The following ORC1 variants were observed in gnomAD, a reference collection of about 807,000 sequenced individuals.
The protein encoded by ORC1 is origin recognition complex, subunit 1 homolog.
ORC1 carries 61 observed loss-of-function variants against 98.9 expected under a neutral mutation model. The observed-to-expected ratio is 0.62, with a 90% CI of 0.50 to 0.76. ORC1 has a LOEUF of 0.76. ORC1 is among the 30% of genes least tolerant of loss of function. The probability of loss-of-function intolerance (pLI) is 0.00; values close to 1 mark genes in which losing one functional copy is unlikely to be tolerated. For missense variants in ORC1, 979 were observed against 1,072.2 expected, an observed-to-expected ratio of 0.91 and a Z score of 1.21; for synonymous variants, 385 against 406.9, an observed-to-expected ratio of 0.95 and a Z score of 0.65.
At chr1:52,383,748 C>T (rs950676721) in intron 12 of ORC1, 82 bp downstream of exon 12, 71 of 1,340,074 alleles carry the variant, frequency 5.3e-5, no homozygotes, top group Middle Eastern at 2.3e-4. Context: ...AGAAGGGAGC[C>T]AGGACTTTCC....
chr1:52,389,265 C>T lies in ORC1; in HGVS notation c.1139G>A (p.Arg380His), dbSNP rs576163345. The change falls in exon 7 of 17, where the codon CGC becomes CAC. Residue 380 changes from arginine to histidine, a missense_variant. By Grantham distance (29) the Arg-to-His change is conservative. Transcript: ENST00000371568. ...CATAGTCAAGACAGAACTCTTTCTG[C>T]GGATACGATGGGGAGTAGAGGTCGC... ...NEATSTPHRI[R>H]RKSSVLTMNR... The T allele has an allele frequency of 3.3e-5, 54 of 1,614,142 alleles. No individual in the cohort carries two copies. In the Admixed American group the frequency reaches 3.7e-4, roughly 11 times the overall value.
At chr1:52,402,659 C>T (rs1025064877) in intron 1 of ORC1, among the ~76,000 whole-genome samples, 5 of 152,180 alleles carry the variant, frequency 3.3e-5, no homozygotes, top group African/African-American at 7.2e-5. Flanking sequence ...AAAGGCTGGG[C>T]GCAGTGGCTC....
chr1:52,398,267 A>AT (rs78607222), intron 3 of ORC1, among the ~76,000 whole-genome samples: 2,678 of 89,746 alleles, frequency 0.03, 81 homozygotes, highest in African/African-American at 0.1. Context: ...TCCCGCCAAA[A>AT]TTTTTTTTTT....
chr1:52,395,473 T>C (rs990852221), intron 5 of ORC1, among the ~76,000 whole-genome samples: 11 of 152,198 alleles, frequency 7.2e-5, no homozygotes, highest in African/African-American at 2.7e-4. Context: ...ATGTTTCACA[T>C]ATTTAAAAAA....
chr1:52,398,021 T>C (rs980766606), intron 3 of ORC1, among the ~76,000 whole-genome samples, 158 bp from the exon 4 acceptor site: 1 of 152,194 alleles, frequency 6.6e-6, no homozygotes, highest in Admixed American at 6.5e-5. Flanking sequence ...TGGAGTGCAG[T>C]GGCCCCATCT....
At chr1:52,404,831 C>A, upstream of ORC1, 2 of 1,614,196 alleles carry the variant, frequency 1.2e-6, no homozygotes, top group Non-Finnish European at 1.7e-6. Context: ...CATTCGAACG[C>A]GAATCTATGA....
chr1:52,408,801 A>G (rs1331618104), upstream of ORC1: 5 of 1,306,590 alleles, frequency 3.8e-6, no homozygotes, highest in African/African-American at 4.4e-5. Context: ...TTTCATCTAC[A>G]TTGTTACTGT....
At chr1:52,388,381 T>C in intron 8 of ORC1, 61 bp downstream of exon 8, 1 of 1,358,484 alleles carries the variant, frequency 7.4e-7, no homozygotes, top group Non-Finnish European at 1.1e-6. Flanking sequence ...ACTTCAGCAT[T>C]TGTAACTTTT....
intron 13 of ORC1, among the ~76,000 whole-genome samples, chr1:52,383,180 T>C (rs1315821596): frequency 6.6e-6 from 1 of 152,106 alleles, no homozygotes; most frequent in Non-Finnish European, 1.5e-5. Context: ...GCAATTCTCC[T>C]GCCTCAGCTT....
chr1:52,398,605 G>A (rs1051480234), intron 3 of ORC1, among the ~76,000 whole-genome samples: 4 of 148,090 alleles, frequency 2.7e-5, no homozygotes, highest in Admixed American at 1.4e-4. Context: ...TTTTTGAGAC[G>A]GAGTCTCACT....
intron 5 of ORC1, among the ~76,000 whole-genome samples, chr1:52,394,768 C>T (rs1358552605): frequency 1.3e-5 from 2 of 152,152 alleles, no homozygotes; most frequent in African/African-American, 2.4e-5. Flanking sequence ...CCTGCCTCAG[C>T]CTCCCGAGTA....
chr1:52,403,778 GCCCAGACTGCTTAGTCACGA>G (rs530326571), intron 1 of ORC1, among the ~76,000 whole-genome samples: 123 of 152,258 alleles, frequency 8.1e-4, no homozygotes, highest in Non-Finnish European at 1.3e-3. Context: ...CTGGGTAGGA[GCCCAGACTGCTTAGTCACGA>G]AAAGCGACCT....
At position 52,389,272 on chromosome 1, in the gene ORC1, G is replaced by T; in HGVS notation, c.1132C>A (p.Arg378Ser). Residue 378 changes from arginine (R) to serine (S), a missense_variant, in exon 7 of 17, where the codon CGT (arginine) becomes AGT (serine). Transcript: ENST00000371568. ...AAGACAGAACTCTTTCTGCGGATAC[G>T]ATGGGGAGTAGAGGTCGCTTCATTC... ...AQNEATSTPH[R>S]IRRKSSVLTM... is the part of the protein sequence containing the mutation. 1 of 1,614,178 alleles carries T rather than the reference G, an allele frequency of 6.2e-7. No individual in the cohort carries two copies. Among genetic ancestry groups the T allele is most frequent in the Non-Finnish European group, 8.5e-7 (1 of 1,180,022 alleles).
intron 14 of ORC1, among the ~76,000 whole-genome samples, chr1:52,379,227 A>G (rs1647031455): frequency 6.6e-6 from 1 of 150,942 alleles, no homozygotes; most frequent in Non-Finnish European, 1.5e-5. Context: ...GGGGTTGTTT[A>G]GCTAAAGTAG....
chr1:52,390,591 G>A (rs1223255253), intron 6 of ORC1, among the ~76,000 whole-genome samples: 4 of 152,084 alleles, frequency 2.6e-5, no homozygotes, highest in African/African-American at 9.7e-5. Flanking sequence ...AAGGTCTGGA[G>A]TTTGAGATCA....
chr1:52,393,342 T>A lies in ORC1; in HGVS notation c.1082+101A>T, dbSNP rs1409877192. Reference sequence around the variant, plus strand: ...AAAGCTCCCCAATACTTCTGTGACATAGGTTTTTCAACTACTGTTCTAACT... The same window carrying A: ...AAAGCTCCCCAATACTTCTGTGACAAAGGTTTTTCAACTACTGTTCTAACT... On this transcript the variant is annotated intron_variant, in intron 6 of 16. Transcript: ENST00000371568. 11 of 1,504,266 alleles carry A rather than the reference T, an allele frequency of 7.3e-6. No homozygotes were observed. In the Admixed American group the frequency reaches 1.8e-4, roughly 25 times the overall value. The allele number at this position is 1,504,266 out of a possible 1,614,324, so 93.2% of individuals were successfully genotyped here.
In ORC1 at chr1:52,385,241, A is replaced by G. The variant is rs754585127; in HGVS notation, c.1503T>C (p.Pro501=). ...CCTGTTCCCGACAGGGAAGAGACTC[A>G]GGTACAGCAGAAACATGCAGCCTAC... is the stretch of plus-strand genomic sequence containing the variant. ...ARLRLHVSAV[P]ESLPCREQEF... Residue 501 remains proline (P), a synonymous_variant, in exon 10 of 17, where the codon CCT becomes CCC. Transcript: ENST00000371568. 7.4e-6 allele frequency: 12 copies of G among 1,613,262 alleles called. No individual in the cohort carries two copies. The African/African-American group carries it at 1.5e-4, about 20-fold the overall frequency.
intron 14 of ORC1, among the ~76,000 whole-genome samples, chr1:52,377,703 C>CAAAAAA (rs58266239): frequency 8.8e-3 from 514 of 58,384 alleles, no homozygotes; most frequent in African/African-American, 0.014. Flanking sequence ...CCCCTAGAAG[C>CAAAAAA]AAAAAAAAAA....
At chr1:52,393,180 T>C (rs751860359) in intron 6 of ORC1, among the ~76,000 whole-genome samples, 2 of 152,206 alleles carry the variant, frequency 1.3e-5, no homozygotes, top group Admixed American at 6.5e-5. Flanking sequence ...AGTTATCTTC[T>C]ATAGCAATGA....
Sources: gnomAD v4.1 joint callset for allele counts (sites outside exome capture counted in the v4.1 genomes callset) on GRCh38, gnomAD v4.1.1 for gene constraint, MANE v1.5 for transcripts, NCBI Gene and HGNC (gene_info 2026-07-23, HGNC 2026-07-21) for gene names.